PBXIP1: variants seen among roughly 807,000 people sequenced by gnomAD.
The protein encoded by PBXIP1 is PBX homeobox interacting protein 1.
Under a neutral mutation model 73.7 loss-of-function variants are expected in PBXIP1, and 73 were observed. The observed-to-expected ratio is 0.99, with a 90% CI of 0.82 to 1.20. The LOEUF (loss-of-function observed/expected upper bound fraction) is 1.20, where lower values mean the gene tolerates loss of function less well. Among genes scored for constraint, PBXIP1 ranks in the 50% most tolerant of loss-of-function variants. The pLI is 0.00. For synonymous variants in PBXIP1, 330 were observed against 366.9 expected, an observed-to-expected ratio of 0.90 and a Z score of 1.15; for missense variants, 818 against 911.4, an observed-to-expected ratio of 0.90 and a Z score of 1.32.
intron 2 of PBXIP1, among the ~76,000 whole-genome samples, chr1:154,952,757 C>A (rs890429640): frequency 1.3e-5 from 2 of 152,174 alleles, no homozygotes; most frequent in Admixed American, 1.3e-4. Flanking sequence ...AAAGACACCT[C>A]AACAGGAGGC....
At chr1:154,953,506 G>A (rs1490518827) in intron 2 of PBXIP1, among the ~76,000 whole-genome samples, 165 bp downstream of exon 2, 2 of 152,044 alleles carry the variant, frequency 1.3e-5, no homozygotes, top group African/African-American at 4.8e-5. Context: ...TGACCCCTGG[G>A]GCCTGATCTA....
chr1:154,946,306 G>A lies in PBXIP1; in HGVS notation c.1368C>T (p.Ala456=). 1 of 1,614,164 alleles carries A rather than the reference G, an allele frequency of 6.2e-7. No homozygotes were observed. Among genetic ancestry groups the A allele is most frequent in the Non-Finnish European group, 8.5e-7 (1 of 1,180,044 alleles). ...WGQDPGVSAN[A]SKAWHQKSHF... The stretch of plus-strand genomic sequence containing the variant: ...GGGACTTCTGGTGCCAGGCCTTTGA[G>A]GCATTGGCAGAGACCCCAGGGTCCT... The change falls in exon 10 of 11, where the codon GCC becomes GCT. Residue 456 remains alanine (A), a synonymous_variant. Coordinates refer to ENST00000368463, the MANE Select transcript of PBXIP1 (RefSeq NM_020524.4).
chr1:154,945,537 G>C (rs1465902283), intron 10 of PBXIP1, 35 bp downstream of exon 10: 2 of 1,591,422 alleles, frequency 1.3e-6, no homozygotes, highest in African/African-American at 2.7e-5. Context: ...GACTGCCTCT[G>C]TCCCACCCGA....
At chr1:154,954,119 T>C (rs145224410) in intron 1 of PBXIP1, among the ~76,000 whole-genome samples, 3 of 152,306 alleles carry the variant, frequency 2.0e-5, no homozygotes, top group African/African-American at 7.2e-5. Context: ...CAGACTCAAC[T>C]TGCCAATAAG....
Position 154,951,033 on chromosome 1 carries a change from C to G in PBXIP1, c.409+199G>C, listed in dbSNP as rs2101987433. Among the ~76,000 whole-genome samples, 1 of 152,380 alleles carries G rather than the reference C, an allele frequency of 6.6e-6. No individual in the cohort carries two copies. Among genetic ancestry groups the G allele is most frequent in the East Asian group, 1.9e-4 (1 of 5,192 alleles). ...AGAGTCAACCAGATGTGGGCCCTGC[C>G]CCTTACCAGCAGTGTGACCTTGGTC... On this transcript the variant is annotated intron_variant, in intron 5 of 10. Coordinates refer to ENST00000368463, the MANE Select transcript of PBXIP1 (RefSeq NM_020524.4). The surrounding 1 kb of genome is among the most constrained non-coding windows in gnomAD (Gnocchi z 4.3).
chr1:154,944,721 C>T lies in PBXIP1; in HGVS notation c.*303G>A. The T allele has an allele frequency of 3.0e-6, 1 of 334,794 alleles. No homozygotes were observed. The highest frequency in any genetic ancestry group is 5.6e-6 in the Non-Finnish European group (1 of 179,452). 20.7% of individuals were successfully genotyped at this position (334,794 alleles called of 1,614,324 possible). On this transcript the variant is annotated 3_prime_UTR_variant, in exon 11 of 11. Coordinates refer to ENST00000368463, the MANE Select transcript of PBXIP1 (RefSeq NM_020524.4). ...CTCTTTAGCTTCAGAATCAGATTGC[C>T]TTCCCCAGACCCCACCCCAAAACAG...
Position 154,951,732 on chromosome 1 carries a change from G to A in PBXIP1, c.178+63C>T, listed in dbSNP as rs1002648634. 1.7e-5 allele frequency: 27 copies of A among 1,587,222 alleles called. No individual in the cohort carries two copies. The highest frequency in any genetic ancestry group is 2.2e-5 in the Non-Finnish European group (26 of 1,167,010). On this transcript the variant is annotated intron_variant, in intron 3 of 10. Coordinates refer to ENST00000368463, the MANE Select transcript of PBXIP1 (RefSeq NM_020524.4). This position sits in a 1 kb window ranked among gnomAD's most constrained non-coding sequence, Gnocchi z 4.3. ...GCCTCCCTTTCTCTGAGGAAACTGA[G>A]AAACCCCAAAATATGGAGAATAGCT... is the stretch of plus-strand genomic sequence containing the variant.
chr1:154,948,239 C>G lies in PBXIP1; in HGVS notation c.537G>C (p.Glu179Asp), dbSNP rs193261525. 2.5e-6 allele frequency: 4 copies of G among 1,612,526 alleles called. No homozygotes were observed. The African/African-American group carries it at 5.3e-5, about 21-fold the overall frequency. The change falls in exon 6 of 11, where the codon GAG becomes GAC. Residue 179 changes from glutamate (E) to aspartate (D), a missense_variant. Transcript: ENST00000368463. Reference protein sequence around the residue: ...PPQPMVPLAVENQAGGEGAGG... With the variant: ...PPQPMVPLAVDNQAGGEGAGG... The stretch of plus-strand genomic sequence containing the variant: ...CTGCACCCTCACCCCCAGCCTGGTT[C>G]TCCACAGCCAGGGGCACCATGGGCT...
Position 154,951,911 on chromosome 1 carries a change from A to C in PBXIP1, c.62T>G (p.Val21Gly). Residue 21 changes from valine (V) to glycine (G), a missense_variant, in exon 3 of 11, where the codon GTG becomes GGG. Val to Gly is a moderately radical substitution (Grantham distance 109). Transcript: ENST00000368463. The surrounding 1 kb of genome is among the most constrained non-coding windows in gnomAD (Gnocchi z 4.3). ...CCTGGATGCCGGGCCCAGTGTCTCC[A>C]CTGGCAGGCTCTGGGAGGAGAAGTG... ...WVLAGSESLPVETLGPASRMD... is the reference protein window; with the variant it reads ...WVLAGSESLPGETLGPASRMD... The C allele has an allele frequency of 6.2e-7, 1 of 1,609,350 alleles. No individual in the cohort carries two copies. Among genetic ancestry groups the C allele is most frequent in the Non-Finnish European group, 8.5e-7 (1 of 1,178,786 alleles).
Position 154,946,468 on chromosome 1 carries a change from T to A in PBXIP1, c.1206A>T (p.Arg402=), listed in dbSNP as rs761285250. The change falls in exon 10 of 11, where the codon CGA becomes CGT. Residue 402 remains arginine (R), a synonymous_variant. Coordinates refer to ENST00000368463, the MANE Select transcript of PBXIP1 (RefSeq NM_020524.4). ...CCTGCTGTACAGACCCCAGCAGCCG[T>A]CGCTGCCTCTCTAACTCTTGCCTTA... ...QALRQELERQ[R]RLLGSVQQDL... is the part of the protein sequence containing the mutation. 6.2e-7 allele frequency: 1 copy of A among 1,608,328 alleles called. No individual in the cohort carries two copies. Among genetic ancestry groups the A allele is most frequent in the Admixed American group, 1.7e-5 (1 of 60,032 alleles).
intron 5 of PBXIP1, among the ~76,000 whole-genome samples, chr1:154,949,339 T>C (rs1654934934): frequency 6.6e-6 from 1 of 151,918 alleles, no homozygotes; most frequent in Admixed American, 6.6e-5. Context: ...CTAATTTGTG[T>C]GTGTGTGTGT....
At position 154,945,928 on chromosome 1, in the gene PBXIP1, G is replaced by A. The variant is rs1363818658; in HGVS notation, c.1746C>T (p.Tyr582=). 1.6e-5 allele frequency: 26 copies of A among 1,614,064 alleles called. No homozygotes were observed. Among genetic ancestry groups the A allele is most frequent in the Middle Eastern group, 1.6e-4 (1 of 6,084 alleles). The change falls in exon 10 of 11, where the codon TAC becomes TAT. Residue 582 remains tyrosine (Y), a synonymous_variant. Coordinates refer to ENST00000368463, the MANE Select transcript of PBXIP1 (RefSeq NM_020524.4). ...PSWAELLRPK[Y]RAPQGCSGVD... is the part of the protein sequence containing the mutation. The stretch of plus-strand genomic sequence containing the variant: ...CACCTGAGCAGCCCTGGGGTGCCCG[G>A]TACTTGGGCCTCAACAGCTCTGCCC...
At chr1:154,954,657 C>G (rs897573968) in intron 1 of PBXIP1, among the ~76,000 whole-genome samples, 1 of 152,206 alleles carries the variant, frequency 6.6e-6, no homozygotes, top group Non-Finnish European at 1.5e-5. Context: ...TGGTCCTGCA[C>G]CCGGTTAATC....
chr1:154,949,862 G>C (rs528519108), intron 5 of PBXIP1, among the ~76,000 whole-genome samples: 114 of 152,072 alleles, frequency 7.5e-4, no homozygotes, highest in Non-Finnish European at 1.4e-3. Context: ...CATTCCTTTT[G>C]GGGGAGGATG....
rs775576270 is a variant in PBXIP1, at chr1:154,945,971, T to C, written c.1703A>G (p.His568Arg). 1.2e-6 allele frequency: 2 copies of C among 1,614,082 alleles called. No individual in the cohort carries two copies. The highest frequency in any genetic ancestry group is 2.2e-5 in the South Asian group (2 of 91,088). The change falls in exon 10 of 11, where the codon CAT (histidine) becomes CGT (arginine). Residue 568 changes from histidine to arginine, a missense_variant. Physicochemically the swap from His to Arg is conservative, Grantham distance 29 (BLOSUM62 0). Transcript: ENST00000368463. ...PRWREGTKDS[H>R]DPLPSWAELL... ...CTCTGCCCAGGATGGCAGGGGGTCA[T>C]GGCTGTCCTTAGTCCCTTCCCTCCA...
At chr1:154,945,219 G>C (rs1654762316) in intron 10 of PBXIP1, 102 bp from the exon 11 acceptor site, 2 of 824,292 alleles carry the variant, frequency 2.4e-6, no homozygotes, top group Non-Finnish European at 1.9e-6. Flanking sequence ...GACTTGAGCA[G>C]GCACCACCAA....
In PBXIP1 at chr1:154,953,460, T is replaced by C. The variant is rs375347501; in HGVS notation, c.51+211A>G. On this transcript the variant is annotated intron_variant, in intron 2 of 10. Coordinates refer to ENST00000368463, the MANE Select transcript of PBXIP1 (RefSeq NM_020524.4). ...TACTTGTCTCAGCTTACCCAACTGG[T>C]CCCTTCCTTCATGGCATGGTCCAAG... Among the ~76,000 whole-genome samples, 14 of 152,240 alleles carry C rather than the reference T, an allele frequency of 9.2e-5. No homozygotes were observed. In the East Asian group the frequency reaches 2.5e-3, roughly 27 times the overall value.
Position 154,946,533 on chromosome 1 carries a change from GGA to G in PBXIP1, c.1139_1140del (p.Phe380SerfsTer10). The G allele has an allele frequency of 6.2e-7, 1 of 1,611,654 alleles. No individual in the cohort carries two copies. Among genetic ancestry groups the G allele is most frequent in the Non-Finnish European group, 8.5e-7 (1 of 1,180,034 alleles). On this transcript the variant is annotated frameshift_variant, in exon 10 of 11. Coordinates refer to ENST00000368463, the MANE Select transcript of PBXIP1 (RefSeq NM_020524.4). LOFTEE classifies it high-confidence loss of function. ...GCCTCCAGCTGTTCCTTCTGCTTCA[GGA>G]AGCTGAGTTCTGGCTCCTGCTCCCT... ...GPREQEPELS[F>X]LKQKEQLEAE...
chr1:154,944,534 G>T lies in PBXIP1; in HGVS notation c.*490C>A, dbSNP rs890978827. 1.3e-5 allele frequency: 2 copies of T among 153,526 alleles called. No homozygotes were observed. The highest frequency in any genetic ancestry group is 2.9e-5 in the Non-Finnish European group (2 of 68,968). 9.5% of individuals were successfully genotyped at this position (153,526 alleles called of 1,614,324 possible). A position where few individuals can be genotyped will look rare whatever the true frequency, so the allele number is the denominator to read the frequency against. On this transcript the variant is annotated 3_prime_UTR_variant, in exon 11 of 11. Coordinates refer to ENST00000368463, the MANE Select transcript of PBXIP1 (RefSeq NM_020524.4). The stretch of plus-strand genomic sequence containing the variant: ...GCAGGGGTAAAAAAAAAAAGGGGGG[G>T]GACTTCACCCCCTAGGGACAGCTGC...
Sources: gnomAD v4.1 joint callset for allele counts (sites outside exome capture counted in the v4.1 genomes callset) on GRCh38, gnomAD v4.1.1 for gene constraint, Gnocchi (gnomAD v3.1) non-coding constraint, MANE v1.5 for transcripts, NCBI Gene and HGNC (gene_info 2026-07-23, HGNC 2026-07-21) for gene names.